The following ANTXR2 variants were observed in gnomAD, a reference collection of about 807,000 sequenced individuals.
The protein encoded by ANTXR2 is ANTXR cell adhesion molecule 2.
A neutral mutation model predicts 73.7 loss-of-function variants in ANTXR2; 44 were observed. The observed-to-expected ratio is 0.60, with a 90% CI of 0.47 to 0.77. ANTXR2 has a LOEUF of 0.77. Ranked by LOEUF, ANTXR2 falls within the 30% of genes least tolerant of loss-of-function variation. ANTXR2 has a pLI of 0.00. For synonymous variants in ANTXR2, 217 were observed against 205.9 expected (o/e 1.05, Z -0.46); for missense variants, 604 against 592.5 (o/e 1.02, Z -0.20).
chr4:80,015,302 T>C (rs1469170007), intron 11 of ANTXR2, among the ~76,000 whole-genome samples: 1 of 152,198 alleles, frequency 6.6e-6, no homozygotes, highest in Non-Finnish European at 1.5e-5. Context: ...TGAGATTCAA[T>C]ATTTTGGAAT....
chr4:79,962,541 G>A lies in ANTXR2; in HGVS notation c.1428+15080C>T, dbSNP rs72874008. On this transcript the variant is annotated intron_variant, in intron 16 of 16. Transcript: ENST00000403729. Reference sequence around the variant, plus strand: ...TTTCCAGCTTTGTTGCATCAGAATCGCCCTAAAGAAACTATAACAAATTTC... The same window carrying A: ...TTTCCAGCTTTGTTGCATCAGAATCACCCTAAAGAAACTATAACAAATTTC... Among the ~76,000 whole-genome samples, 1,285 of 152,128 alleles carry A rather than the reference G, an allele frequency of 8.4e-3. 13 individuals are homozygous for A. Among genetic ancestry groups the A allele is most frequent in the African/African-American group, 0.029 (1,217 of 41,514 alleles).
chr4:79,917,217 C>T (rs1264600815), intron 16 of ANTXR2, among the ~76,000 whole-genome samples: 1 of 151,892 alleles, frequency 6.6e-6, no homozygotes, highest in East Asian at 1.9e-4. Flanking sequence ...GGGAGAAAGG[C>T]AAGAGGGTAG....
At chr4:79,974,627 TAGG>T (rs960990882) in intron 16 of ANTXR2, among the ~76,000 whole-genome samples, 19 of 151,970 alleles carry the variant, frequency 1.3e-4, no homozygotes, top group African/African-American at 4.3e-4. Flanking sequence ...ATAATATGAT[TAGG>T]AGATGATGCT....
chr4:80,037,204 C>A (rs1733019307), intron 7 of ANTXR2, among the ~76,000 whole-genome samples: 1 of 152,172 alleles, frequency 6.6e-6, no homozygotes, highest in African/African-American at 2.4e-5. Context: ...CCTTTCTTGG[C>A]AGAAGTTGAA....
chr4:79,923,070 T>C (rs2109947323), intron 16 of ANTXR2, among the ~76,000 whole-genome samples: 1 of 152,170 alleles, frequency 6.6e-6, no homozygotes, highest in East Asian at 1.9e-4. Flanking sequence ...AAAACAGTGC[T>C]CATCCTATAG....
In ANTXR2 at chr4:79,907,109, T is replaced by G. The variant is rs1349600793; in HGVS notation, c.*320A>C. On this transcript the variant is annotated 3_prime_UTR_variant, in exon 17 of 17. Coordinates refer to ENST00000403729, the MANE Select transcript of ANTXR2 (RefSeq NM_058172.6). The stretch of plus-strand genomic sequence containing the variant: ...ATCATCTTCGTGTTGTTGCTGTTGT[T>G]GCTTTTTCCTCTTCTACACATTCAA... The G allele has an allele frequency of 2.9e-6, 1 of 350,106 alleles. No homozygotes were observed. The highest frequency in any genetic ancestry group is 5.1e-6 in the Non-Finnish European group (1 of 194,778). The allele number at this position is 350,106 out of a possible 1,614,324, so 21.7% of individuals were successfully genotyped here.
chr4:80,013,895 G>A (rs10857132), intron 11 of ANTXR2, among the ~76,000 whole-genome samples: 112,679 of 152,082 alleles, frequency 0.74, 42,095 homozygotes, highest in East Asian at 0.94. Flanking sequence ...AAATTGAATT[G>A]TAGTATTTAT....
chr4:80,032,983 G>A (rs1238767056), intron 9 of ANTXR2, among the ~76,000 whole-genome samples: 2 of 151,038 alleles, frequency 1.3e-5, no homozygotes, highest in Non-Finnish European at 3.0e-5. Context: ...TGGGAAATTA[G>A]ATAAAGAAAA....
chr4:80,019,823 G>C (rs1256097205), intron 10 of ANTXR2, among the ~76,000 whole-genome samples: 4 of 152,076 alleles, frequency 2.6e-5, no homozygotes, highest in Non-Finnish European at 5.9e-5. Flanking sequence ...CCCTGGCTAA[G>C]AAATATTATA....
At chr4:79,955,128 T>A (rs1728842011) in intron 16 of ANTXR2, among the ~76,000 whole-genome samples, 1 of 152,134 alleles carries the variant, frequency 6.6e-6, no homozygotes, top group South Asian at 2.1e-4. Context: ...TAATCTAATA[T>A]CACACATTGA....
intron 16 of ANTXR2, among the ~76,000 whole-genome samples, chr4:79,925,798 C>A (rs1251198306): frequency 3.3e-5 from 5 of 152,042 alleles, no homozygotes; most frequent in Non-Finnish European, 5.9e-5. Context: ...TGCTTAATTG[C>A]ATTATCACAG....
chr4:79,997,065 A>T (rs971900950), intron 12 of ANTXR2, among the ~76,000 whole-genome samples: 25 of 120,678 alleles, frequency 2.1e-4, no homozygotes, highest in Admixed American at 8.4e-5. Flanking sequence ...CGATTTCTTT[A>T]AAAAAAAAAA....
At chr4:79,920,736 A>G (rs1727561397) in intron 16 of ANTXR2, among the ~76,000 whole-genome samples, 1 of 152,140 alleles carries the variant, frequency 6.6e-6, no homozygotes, top group Admixed American at 6.6e-5. Flanking sequence ...GGTAGCAGTC[A>G]CCTATAAATC....
intron 7 of ANTXR2, among the ~76,000 whole-genome samples, chr4:80,038,542 C>G (rs1412889760): frequency 6.6e-6 from 1 of 151,904 alleles, no homozygotes; most frequent in East Asian, 1.9e-4. Context: ...CTATTAAAGT[C>G]TGAGTTTAAA....
chr4:80,062,963 C>T (rs1029975227), intron 3 of ANTXR2, among the ~76,000 whole-genome samples: 1 of 151,440 alleles, frequency 6.6e-6, no homozygotes, highest in African/African-American at 2.4e-5. Flanking sequence ...GGCCTCCTTC[C>T]TATGCAATCA....
intron 16 of ANTXR2, among the ~76,000 whole-genome samples, chr4:79,917,855 G>C (rs1216447589): frequency 2.0e-5 from 3 of 151,892 alleles, no homozygotes; most frequent in African/African-American, 4.8e-5. Flanking sequence ...CATAATCAAT[G>C]AAAACACAGA....
intron 16 of ANTXR2, among the ~76,000 whole-genome samples, chr4:79,954,527 T>C (rs1306935077): frequency 6.6e-6 from 1 of 152,132 alleles, no homozygotes; most frequent in Non-Finnish European, 1.5e-5. Context: ...GGAGGATCAC[T>C]TGAGCCCAGG....
chr4:79,918,482 G>A (rs1727442238), intron 16 of ANTXR2, among the ~76,000 whole-genome samples: 1 of 151,996 alleles, frequency 6.6e-6, no homozygotes, highest in Non-Finnish European at 1.5e-5. Flanking sequence ...GAGATATAAA[G>A]AGGGAATGGT....
intron 16 of ANTXR2, among the ~76,000 whole-genome samples, chr4:79,926,393 T>G (rs973016624): frequency 6.6e-6 from 1 of 152,124 alleles, no homozygotes. Context: ...TTTCACAAAC[T>G]ACAGATCAAA....
Sources: gnomAD v4.1 joint callset for allele counts (sites outside exome capture counted in the v4.1 genomes callset) on GRCh38, gnomAD v4.1.1 for gene constraint, MANE v1.5 for transcripts, NCBI Gene and HGNC (gene_info 2026-07-23, HGNC 2026-07-21) for gene names.